The following SHISA6 variants were observed in gnomAD, a reference collection of about 807,000 sequenced individuals.
SHISA6 encodes the protein protein shisa-6.
Under a neutral mutation model 47.9 loss-of-function variants are expected in SHISA6, and 22 were observed. The observed-to-expected ratio is 0.46, with a 90% confidence interval of 0.33 to 0.66. SHISA6 has a LOEUF of 0.66. Among genes scored for constraint, SHISA6 ranks in the 30% least tolerant of loss-of-function variants. SHISA6 has a pLI of 0.02. For missense variants in SHISA6, 680 were observed against 764.6 expected, an observed-to-expected ratio of 0.89 and a Z score of 1.30; for synonymous variants, 388 against 337.8, an observed-to-expected ratio of 1.15 and a Z score of -1.63.
At chr17:11,353,418 C>T (rs1332353633) in intron 2 of SHISA6, among the ~76,000 whole-genome samples, 1 of 150,896 alleles carries the variant, frequency 6.6e-6, no homozygotes, top group Admixed American at 6.6e-5. Flanking sequence ...GATCACGCCA[C>T]CGCACTCCAG....
intron 3 of SHISA6, among the ~76,000 whole-genome samples, chr17:11,545,242 C>A (rs1400156790): frequency 6.6e-6 from 1 of 151,994 alleles, no homozygotes; most frequent in East Asian, 1.9e-4. Context: ...ATGCAACAAC[C>A]CGGAACAATC....
At chr17:11,350,370 C>T (rs1004225377) in intron 2 of SHISA6, among the ~76,000 whole-genome samples, 7 of 144,962 alleles carry the variant, frequency 4.8e-5, no homozygotes, top group South Asian at 2.3e-4. Context: ...TTAGTAGAGA[C>T]GGGGTTTCAC....
chr17:11,318,057 TA>T (rs200284653), intron 2 of SHISA6, among the ~76,000 whole-genome samples: 10 of 152,214 alleles, frequency 6.6e-5, no homozygotes, highest in African/African-American at 1.9e-4. Context: ...CCATAAATAG[TA>T]AATTTTTTTT....
chr17:11,358,210 C>G (rs757686947), intron 2 of SHISA6, among the ~76,000 whole-genome samples: 34 of 152,138 alleles, frequency 2.2e-4, no homozygotes, highest in Admixed American at 1.2e-3. Flanking sequence ...CCCACAGCTC[C>G]TGGTAACCAC....
Position 11,242,004 on chromosome 17 carries a change from C to T in SHISA6, c.582C>T (p.Phe194=). Residue 194 remains phenylalanine (F), a synonymous_variant, in exon 1 of 6, where the codon TTC becomes TTT. Coordinates refer to ENST00000441885, the MANE Select transcript of SHISA6 (RefSeq NM_207386.4). ...CCTTCGTCATCGTGGCCGGCGTCTT[C>T]GCCAAGGTCTCCTACGACAAGGCCC... ...VIAFVIVAGV[F]AKVSYDKAHR... 1.9e-6 allele frequency: 3 copies of T among 1,551,116 alleles called. No individual in the cohort carries two copies. The highest frequency in any genetic ancestry group is 2.6e-6 in the Non-Finnish European group (3 of 1,147,004).
intron 2 of SHISA6, among the ~76,000 whole-genome samples, chr17:11,363,323 AT>A (rs1425127725): frequency 2.0e-5 from 3 of 151,616 alleles, no homozygotes; most frequent in Non-Finnish European, 4.4e-5. Flanking sequence ...CAAAGACTAT[AT>A]TTTTGAGCAG....
intron 3 of SHISA6, among the ~76,000 whole-genome samples, chr17:11,544,825 G>T (rs1040164554): frequency 3.3e-5 from 5 of 151,970 alleles, no homozygotes; most frequent in African/African-American, 4.8e-5. Context: ...GCCAAGTGTG[G>T]TGGCAGACAG....
chr17:11,459,448 G>A (rs1480091963), intron 3 of SHISA6, among the ~76,000 whole-genome samples: 2 of 152,146 alleles, frequency 1.3e-5, no homozygotes, highest in Non-Finnish European at 2.9e-5. Flanking sequence ...GCTGTATGAG[G>A]CAGGTGTACA....
chr17:11,293,117 G>C (rs1909612041), intron 2 of SHISA6, among the ~76,000 whole-genome samples: 1 of 152,040 alleles, frequency 6.6e-6, no homozygotes, highest in Non-Finnish European at 1.5e-5. Context: ...GAGCCACTGC[G>C]CCCGGCCTCC....
intron 3 of SHISA6, among the ~76,000 whole-genome samples, chr17:11,529,362 C>T (rs1165630802): frequency 6.6e-6 from 1 of 152,090 alleles, no homozygotes; most frequent in East Asian, 1.9e-4. Flanking sequence ...TGCTGTCTTC[C>T]TCAATGGCTC....
At chr17:11,487,050 G>A (rs74925011) in intron 3 of SHISA6, among the ~76,000 whole-genome samples, 3,653 of 152,272 alleles carry the variant, frequency 0.024, 157 homozygotes, top group African/African-American at 0.082. Flanking sequence ...AAGTTGAATC[G>A]TTGCAGCAGA....
chr17:11,381,615 A>G (rs1913012314), intron 3 of SHISA6, among the ~76,000 whole-genome samples: 2 of 152,216 alleles, frequency 1.3e-5, no homozygotes, highest in Non-Finnish European at 2.9e-5. Context: ...GATCCAAGCC[A>G]TAGGTGAGCC....
chr17:11,489,361 C>G (rs1916422433), intron 3 of SHISA6, among the ~76,000 whole-genome samples: 1 of 152,196 alleles, frequency 6.6e-6, no homozygotes, highest in African/African-American at 2.4e-5. Context: ...CACTGAGCAT[C>G]TGACATGACC....
intron 2 of SHISA6, among the ~76,000 whole-genome samples, chr17:11,364,857 A>G (rs374134479): frequency 1.3e-5 from 2 of 152,308 alleles, no homozygotes; most frequent in East Asian, 3.9e-4. Context: ...CCTCACCAAC[A>G]TTTGGTATTG....
At chr17:11,456,209 C>A (rs1915529453) in intron 3 of SHISA6, among the ~76,000 whole-genome samples, 1 of 152,228 alleles carries the variant, frequency 6.6e-6, no homozygotes, top group African/African-American at 2.4e-5. Flanking sequence ...GAGGATACAC[C>A]AACAGCACAT....
At chr17:11,488,732 T>A (rs1916408239) in intron 3 of SHISA6, among the ~76,000 whole-genome samples, 1 of 152,178 alleles carries the variant, frequency 6.6e-6, no homozygotes, top group Non-Finnish European at 1.5e-5. Context: ...TTTCCAGTAA[T>A]TCAGGCAGAA....
rs1389464244 is a variant in SHISA6, at chr17:11,367,037, C to G, written c.800-12377C>G. ...GGAAAGGAGAGATGGACAGACAGAC[C>G]TACAGGATGGGCAAGAGGGAATTGA... On this transcript the variant is annotated intron_variant, in intron 2 of 5. Coordinates refer to ENST00000441885, the MANE Select transcript of SHISA6 (RefSeq NM_207386.4). 2.0e-5 allele frequency among the ~76,000 whole-genome samples: 3 copies of G among 152,016 alleles called. No individual in the cohort carries two copies. In the East Asian group the frequency reaches 5.8e-4, roughly 29 times the overall value.
Position 11,555,795 on chromosome 17 carries a change from C to G in SHISA6, c.1008C>G (p.Ser336=). The G allele has an allele frequency of 6.4e-7, 1 of 1,551,968 alleles. No individual in the cohort carries two copies. The highest frequency in any genetic ancestry group is 1.2e-5 in the South Asian group (1 of 84,012). ...LTSATEPYDL[S]FSRSFQNLAH... ...CAGCCACCGAGCCCTATGACCTCTCCTTCTCCCGCTCGTTCCAGAACTTGG... is the reference window on the plus strand; with the variant it reads ...CAGCCACCGAGCCCTATGACCTCTCGTTCTCCCGCTCGTTCCAGAACTTGG... The change falls in exon 5 of 6, where the codon TCC becomes TCG. Residue 336 remains serine, a synonymous_variant. Transcript: ENST00000441885.
chr17:11,543,497 G>A (rs2071851457), intron 3 of SHISA6, among the ~76,000 whole-genome samples: 1 of 152,132 alleles, frequency 6.6e-6, no homozygotes, highest in South Asian at 2.1e-4. Flanking sequence ...CACGTTTAGG[G>A]ATTGGAAGAC....
Sources: allele counts gnomAD v4.1 joint callset (sites outside exome capture counted in the v4.1 genomes callset), GRCh38; gene constraint gnomAD v4.1.1; transcripts MANE v1.5; gene names NCBI Gene and HGNC (gene_info 2026-07-23, HGNC 2026-07-21).